The following ALDH1L2 variants were observed in gnomAD, a reference collection of about 807,000 sequenced individuals.
ALDH1L2 encodes the protein mitochondrial 10-formyltetrahydrofolate dehydrogenase.
In ALDH1L2, 91 loss-of-function variants were observed where a neutral mutation model predicts 111.0. That is an observed-to-expected ratio of 0.82 (90% confidence interval 0.69 to 0.98). The LOEUF (loss-of-function observed/expected upper bound fraction) is 0.98, where lower values mean the gene tolerates loss of function less well. ALDH1L2 is among the 50% of genes least tolerant of loss of function. The pLI is 0.00. For missense variants in ALDH1L2, 995 were observed against 1,126.8 expected (o/e 0.88, Z 1.67); for synonymous variants, 374 against 392.6 (o/e 0.95, Z 0.56).
At chr12:105,059,034 C>T (rs556114097) in intron 9 of ALDH1L2, among the ~76,000 whole-genome samples, 9 of 151,842 alleles carry the variant, frequency 5.9e-5, no homozygotes, top group East Asian at 1.9e-4. Context: ...TTTGGGAGGC[C>T]GAGGCGGGTG....
chr12:105,055,790 T>C (rs1236587439), intron 10 of ALDH1L2, among the ~76,000 whole-genome samples: 2 of 151,832 alleles, frequency 1.3e-5, no homozygotes, highest in Non-Finnish European at 2.9e-5. Context: ...AAAAGTGCAA[T>C]AACTGAAATT....
chr12:105,063,604 T>C (rs1019457876), intron 6 of ALDH1L2, among the ~76,000 whole-genome samples: 1 of 151,882 alleles, frequency 6.6e-6, no homozygotes, highest in Non-Finnish European at 1.5e-5. Flanking sequence ...CATATTTGCA[T>C]TGATACAAAG....
At chr12:105,071,629 TATA>T (rs1877705026) in intron 2 of ALDH1L2, among the ~76,000 whole-genome samples, 7 of 21,636 alleles carry the variant, frequency 3.2e-4, no homozygotes, top group African/African-American at 4.6e-4. Flanking sequence ...TATATATATA[TATA>T]TATATATATA....
intron 9 of ALDH1L2, among the ~76,000 whole-genome samples, chr12:105,058,630 C>T (rs1024496830): frequency 1.3e-5 from 2 of 152,164 alleles, no homozygotes; most frequent in Non-Finnish European, 2.9e-5. Flanking sequence ...CTCTAAATTA[C>T]AAGTATAAGA....
chr12:105,083,631 T>TC lies in ALDH1L2; in HGVS notation c.48+757_48+758insG, dbSNP rs1565977982. On this transcript the variant is annotated intron_variant, in intron 1 of 22. Transcript: ENST00000258494. ...CATAAGACAGTTTTTATTTTTTTTTTTTCTCTCTCTCTCTTCCCTAAACAG... is the reference window on the plus strand; with the variant it reads ...CATAAGACAGTTTTTATTTTTTTTTTCTTCTCTCTCTCTCTTCCCTAAACAG... 3.9e-3 allele frequency among the ~76,000 whole-genome samples: 577 copies of TC among 149,404 alleles called. 5 individuals carry two copies. The highest frequency in any genetic ancestry group is 0.014 in the African/African-American group (549 of 39,846).
chr12:105,025,669 A>C (rs1420621163), intron 22 of ALDH1L2, among the ~76,000 whole-genome samples: 5 of 152,220 alleles, frequency 3.3e-5, no homozygotes, highest in African/African-American at 4.8e-5. Context: ...CAAAACAAAA[A>C]AACTCCAAAT....
chr12:105,021,207 G>A lies in ALDH1L2; in HGVS notation c.*3217C>T, dbSNP rs1471756835. On this transcript the variant is annotated 3_prime_UTR_variant, in exon 23 of 23. Coordinates refer to ENST00000258494, the MANE Select transcript of ALDH1L2 (RefSeq NM_001034173.4). Reference sequence around the variant, plus strand: ...GGGGGCCATTGAAAGGTTTTAAACAGACGAGTGAAGTGACACTGTCTGACT... The same window carrying A: ...GGGGGCCATTGAAAGGTTTTAAACAAACGAGTGAAGTGACACTGTCTGACT... 6.6e-6 allele frequency: 1 copy of A among 152,304 alleles called. No individual in the cohort carries two copies. The highest frequency in any genetic ancestry group is 1.5e-5 in the Non-Finnish European group (1 of 68,090). 9.4% of individuals were successfully genotyped at this position (152,304 alleles called of 1,614,324 possible). A position where few individuals can be genotyped will look rare whatever the true frequency, so the allele number is the denominator to read the frequency against.
At chr12:105,026,852 A>G (rs1874439186) in intron 21 of ALDH1L2, 108 bp from the exon 22 acceptor site, 3 of 1,312,718 alleles carry the variant, frequency 2.3e-6, no homozygotes, top group African/African-American at 2.9e-5. Context: ...CATTACTGCC[A>G]TCTGCTTAAA....
At chr12:105,025,765 A>G (rs1053913075) in intron 22 of ALDH1L2, among the ~76,000 whole-genome samples, 2 of 152,204 alleles carry the variant, frequency 1.3e-5, no homozygotes, top group Non-Finnish European at 2.9e-5. Flanking sequence ...TGAGGGGAAT[A>G]AGAGATGTGC....
Position 105,068,867 on chromosome 12 carries a change from T to A in ALDH1L2, c.446A>T (p.Asp149Val). The A allele has an allele frequency of 6.3e-7, 1 of 1,579,500 alleles. No individual in the cohort carries two copies. Among genetic ancestry groups the A allele is most frequent in the East Asian group, 2.3e-5 (1 of 43,942 alleles). The change falls in exon 4 of 23, where the codon GAT becomes GTT. Residue 149 changes from aspartate (D) to valine (V), a missense_variant. Transcript: ENST00000258494. Reference sequence around the variant, plus strand: ...GAAAACAGAAAACCCAGCTTTCTTATCTCCCATAATTAGAGTCCTGTGAAA... The same window carrying A: ...GAAAACAGAAAACCCAGCTTTCTTAACTCCCATAATTAGAGTCCTGTGAAA... ...SAINWTLIMG[D>V]KKAGFSVFWA...
intron 1 of ALDH1L2, among the ~76,000 whole-genome samples, chr12:105,082,119 C>T (rs1438200200): frequency 6.6e-6 from 1 of 152,140 alleles, no homozygotes; most frequent in Non-Finnish European, 1.5e-5. Flanking sequence ...GCTTGAACCC[C>T]GGAGGCAGAG....
chr12:105,068,586 T>TA (rs907537551), intron 4 of ALDH1L2, 133 bp downstream of exon 4: 101 of 964,452 alleles, frequency 1.0e-4, no homozygotes, highest in East Asian at 4.5e-4. Flanking sequence ...TCCCATTAGT[T>TA]AAAAAAAATC....
At chr12:105,068,284 T>TA (rs199984739) in intron 4 of ALDH1L2, among the ~76,000 whole-genome samples, 1 of 152,092 alleles carries the variant, frequency 6.6e-6, no homozygotes, top group African/African-American at 2.4e-5. Context: ...TTTTTTTTTT[T>TA]ACCCCAGAAT....
rs1185118147 is a variant in ALDH1L2, at chr12:105,023,188, A to G, written c.*1236T>C. On this transcript the variant is annotated 3_prime_UTR_variant, in exon 23 of 23. Transcript: ENST00000258494. ...GATAGAGATTTGATTTTCATTTTATAGATACTCAACCTAGGCTCTGAGATA... is the reference window on the plus strand; with the variant it reads ...GATAGAGATTTGATTTTCATTTTATGGATACTCAACCTAGGCTCTGAGATA... The G allele has an allele frequency of 2.0e-5, 3 of 152,228 alleles. No individual in the cohort carries two copies. The highest frequency in any genetic ancestry group is 7.2e-5 in the African/African-American group (3 of 41,458). 9.4% of individuals were successfully genotyped at this position (152,228 alleles called of 1,614,324 possible). A position where few individuals can be genotyped will look rare whatever the true frequency, so the allele number is the denominator to read the frequency against.
chr12:105,047,025 T>C (rs991601003), intron 13 of ALDH1L2, 56 bp from the exon 14 acceptor site: 5 of 1,556,088 alleles, frequency 3.2e-6, no homozygotes, highest in African/African-American at 2.7e-5. Flanking sequence ...GTAAATTTCA[T>C]CTCAAAGGAT....
In ALDH1L2 at chr12:105,038,093, C is replaced by A; in HGVS notation, c.2145+10G>T. 6.2e-7 allele frequency: 1 copy of A among 1,608,984 alleles called. No individual in the cohort carries two copies. The highest frequency in any genetic ancestry group is 8.5e-7 in the Non-Finnish European group (1 of 1,176,064). On this transcript the variant is annotated intron_variant, in intron 18 of 22. Transcript: ENST00000258494. ...AGGCACCTATTTACTTAAATTTGAC[C>A]CTCTCTTACCATTCGCACAGCCTTG...
chr12:105,076,910 A>G (rs1878078157), intron 1 of ALDH1L2, among the ~76,000 whole-genome samples: 1 of 152,268 alleles, frequency 6.6e-6, no homozygotes, highest in East Asian at 1.9e-4. Context: ...CAAATGAGAA[A>G]ACAAAGGGGT....
intron 20 of ALDH1L2, among the ~76,000 whole-genome samples, chr12:105,030,891 A>G (rs7299739): frequency 0.55 from 83,371 of 152,022 alleles, 23,344 homozygotes; most frequent in East Asian, 0.77. Context: ...TAGCTTTTTC[A>G]CAGTTGGTTT....
intron 20 of ALDH1L2, among the ~76,000 whole-genome samples, chr12:105,030,692 C>T (rs975071423): frequency 6.6e-6 from 1 of 152,090 alleles, no homozygotes; most frequent in African/African-American, 2.4e-5. Context: ...CTGTATTTAT[C>T]TTTTCCTCAT....
Sources: allele counts gnomAD v4.1 joint callset (sites outside exome capture counted in the v4.1 genomes callset), GRCh38; gene constraint gnomAD v4.1.1; transcripts MANE v1.5; gene names NCBI Gene and HGNC (gene_info 2026-07-23, HGNC 2026-07-21).